The following FER variants were observed in gnomAD, a reference collection of about 807,000 sequenced individuals.
FER encodes the protein tyrosine-protein kinase Fer.
FER carries 63 observed loss-of-function variants against 111.0 expected under a neutral mutation model. That is an observed-to-expected ratio of 0.57 (90% CI 0.46 to 0.70). The LOEUF (loss-of-function observed/expected upper bound fraction) is 0.70, where lower values mean the gene tolerates loss of function less well. Among genes scored for constraint, FER ranks in the 30% least tolerant of loss-of-function variants. The probability of loss-of-function intolerance (pLI) is 0.00; values close to 1 mark genes in which losing one functional copy is unlikely to be tolerated. For synonymous variants in FER, 327 were observed against 313.9 expected (o/e 1.04, Z -0.44); for missense variants, 914 against 954.0 (o/e 0.96, Z 0.55).
intron 17 of FER, among the ~76,000 whole-genome samples, chr5:109,164,620 G>A (rs748185752): frequency 2.0e-5 from 3 of 152,040 alleles, no homozygotes; most frequent in Non-Finnish European, 4.4e-5. Flanking sequence ...TTGCCATTTA[G>A]TATCATTAAC....
At chr5:108,909,042 A>G (rs1751188608) in intron 10 of FER, among the ~76,000 whole-genome samples, 1 of 152,194 alleles carries the variant, frequency 6.6e-6, no homozygotes, top group African/African-American at 2.4e-5. Flanking sequence ...GAAAACAAAC[A>G]AAACAATTAT....
At chr5:109,186,013 G>C (rs1404383989) in intron 18 of FER, among the ~76,000 whole-genome samples, 187 bp from the exon 19 acceptor site, 2 of 152,122 alleles carry the variant, frequency 1.3e-5, no homozygotes, top group Non-Finnish European at 2.9e-5. Flanking sequence ...CATTACCATG[G>C]CTACCACATC....
intron 16 of FER, 28 bp from the exon 17 acceptor site, chr5:109,100,368 C>T: frequency 6.2e-7 from 1 of 1,606,202 alleles, no homozygotes. Context: ...ATAACTTTGT[C>T]TCATTGTTCA....
Position 108,830,065 on chromosome 5 carries a change from TA to T in FER, c.208-2704del, listed in dbSNP as rs1376692545. 8.5e-5 allele frequency among the ~76,000 whole-genome samples: 13 copies of T among 152,260 alleles called. No individual in the cohort carries two copies. In the East Asian group the frequency reaches 2.3e-3, roughly 27 times the overall value. On this transcript the variant is annotated intron_variant, in intron 3 of 19. Transcript: ENST00000281092. ...GTTCAGCAAAGTGAAGAAAGAACAATATTTCTAGCATTTATTTAGCTTGGTA... is the reference window on the plus strand; with the variant it reads ...GTTCAGCAAAGTGAAGAAAGAACAATTTTCTAGCATTTATTTAGCTTGGTA...
intron 2 of FER, among the ~76,000 whole-genome samples, chr5:108,788,702 G>C (rs1182578884): frequency 6.6e-6 from 1 of 151,078 alleles, no homozygotes; most frequent in African/African-American, 2.5e-5. Flanking sequence ...CATTCAGTCT[G>C]TTGGTTTCAT....
chr5:108,882,138 G>C (rs1765743198), intron 8 of FER, among the ~76,000 whole-genome samples: 1 of 151,944 alleles, frequency 6.6e-6, no homozygotes, highest in Non-Finnish European at 1.5e-5. Flanking sequence ...TGTATGGACA[G>C]ACTTTGTGCA....
chr5:108,821,322 A>G (rs1458498909), intron 3 of FER, among the ~76,000 whole-genome samples: 7 of 152,162 alleles, frequency 4.6e-5, no homozygotes, highest in Non-Finnish European at 8.8e-5. Context: ...CAAGACATAA[A>G]TGATCCGGGG....
intron 10 of FER, among the ~76,000 whole-genome samples, chr5:108,908,550 C>T (rs1751105234): frequency 6.6e-6 from 1 of 152,148 alleles, no homozygotes; most frequent in South Asian, 2.1e-4. Flanking sequence ...AAAAGTCATT[C>T]CAGCCTATAC....
intron 2 of FER, among the ~76,000 whole-genome samples, chr5:108,773,708 C>A (rs1041081480): frequency 2.0e-5 from 3 of 151,988 alleles, no homozygotes; most frequent in Admixed American, 1.3e-4. Context: ...TGGGTATATA[C>A]CCAGTAATGG....
chr5:108,808,890 C>T (rs1757466233), intron 3 of FER, among the ~76,000 whole-genome samples: 1 of 152,196 alleles, frequency 6.6e-6, no homozygotes, highest in Non-Finnish European at 1.5e-5. Flanking sequence ...AATTTCTTTT[C>T]TTAAAGATGG....
chr5:108,901,221 G>C (rs909781044), intron 10 of FER, among the ~76,000 whole-genome samples: 1 of 151,874 alleles, frequency 6.6e-6, no homozygotes, highest in Non-Finnish European at 1.5e-5. Context: ...CTGGAACTGT[G>C]AAAAATGAAT....
chr5:109,171,868 C>A (rs1757124412), intron 17 of FER, among the ~76,000 whole-genome samples: 1 of 152,026 alleles, frequency 6.6e-6, no homozygotes, highest in Non-Finnish European at 1.5e-5. Flanking sequence ...ATTAAATTAC[C>A]CAGTAAAATT....
chr5:108,979,793 T>A (rs1345377619), intron 13 of FER, among the ~76,000 whole-genome samples: 1 of 152,190 alleles, frequency 6.6e-6, no homozygotes, highest in African/African-American at 2.4e-5. Flanking sequence ...AGAAATACTT[T>A]TAGTGTGACA....
Position 109,093,792 on chromosome 5 carries a change from C to T in FER, c.1925-6604C>T, listed in dbSNP as rs570462884. 1.2e-4 allele frequency among the ~76,000 whole-genome samples: 19 copies of T among 152,146 alleles called. No individual in the cohort carries two copies. In the South Asian group the frequency reaches 2.7e-3, roughly 22 times the overall value. ...AGGTTTTACTGTAGCAGATAGGTAT[C>T]AAAATGTAGTATTCCATTGATTTTT... On this transcript the variant is annotated intron_variant, in intron 16 of 19. Transcript: ENST00000281092.
Position 108,959,275 on chromosome 5 carries a change from A to T in FER, c.1584A>T (p.Ile528=). Residue 528 remains isoleucine (I), a synonymous_variant, in exon 13 of 20, where the codon ATA becomes ATT. Transcript: ENST00000281092. ...GTGFSNIPQL[I]DHHYTTKQVI... is the part of the protein sequence containing the mutation. ...GGTTTTCAAACATTCCTCAACTTAT[A>T]GATCATCACTATACAACAAAACAGG... is the stretch of plus-strand genomic sequence containing the variant. The T allele has an allele frequency of 5.6e-6, 9 of 1,612,012 alleles. No homozygotes were observed. Among genetic ancestry groups the T allele is most frequent in the Non-Finnish European group, 6.8e-6 (8 of 1,178,724 alleles).
intron 16 of FER, among the ~76,000 whole-genome samples, chr5:109,077,576 A>G (rs1485221962): frequency 1.3e-5 from 2 of 152,134 alleles, no homozygotes; most frequent in East Asian, 3.9e-4. Context: ...GTTATGGTCC[A>G]TTTGCATTGC....
intron 17 of FER, among the ~76,000 whole-genome samples, chr5:109,146,279 T>TTATCTATCTA (rs1754196608): frequency 8.6e-6 from 1 of 115,642 alleles, no homozygotes; most frequent in African/African-American, 3.4e-5. Flanking sequence ...TATATATATA[T>TTATCTATCTA]ATATATATAT....
At chr5:109,012,480 T>C (rs1766414524) in intron 13 of FER, among the ~76,000 whole-genome samples, 1 of 152,226 alleles carries the variant, frequency 6.6e-6, no homozygotes, top group Non-Finnish European at 1.5e-5. Context: ...TTAAGAGGCA[T>C]TTATTCTTGC....
At chr5:109,037,734 A>G (rs993427669) in intron 14 of FER, among the ~76,000 whole-genome samples, 16 of 152,064 alleles carry the variant, frequency 1.1e-4, no homozygotes, top group African/African-American at 3.9e-4. Flanking sequence ...ACTAAAAATC[A>G]TAATGATTTT....
Sources: allele counts gnomAD v4.1 joint callset (sites outside exome capture counted in the v4.1 genomes callset), GRCh38; gene constraint gnomAD v4.1.1; transcripts MANE v1.5; gene names NCBI Gene and HGNC (gene_info 2026-07-23, HGNC 2026-07-21).